Variants in ZNRF1 observed in about 807,000 individuals in gnomAD.
ZNRF1 encodes zinc and ring finger 1, also known as E3 ubiquitin-protein ligase ZNRF1.
ZNRF1 carries 3 observed loss-of-function variants against 18.4 expected under a neutral mutation model. That is an observed-to-expected ratio of 0.16 (90% CI 0.07 to 0.42). ZNRF1 has a LOEUF of 0.42. Among genes scored for constraint, ZNRF1 ranks in the 10% least tolerant of loss-of-function variants. The pLI is 0.99. For synonymous variants in ZNRF1, 157 were observed against 144.2 expected, an observed-to-expected ratio of 1.09 and a Z score of -0.64; for missense variants, 310 against 329.8, an observed-to-expected ratio of 0.94 and a Z score of 0.47.
chr16:75,073,874 G>A (rs1340942582), intron 1 of ZNRF1, among the ~76,000 whole-genome samples: 1 of 151,920 alleles, frequency 6.6e-6, no homozygotes, highest in East Asian at 1.9e-4. Flanking sequence ...CATAGACTAG[G>A]GAACTTTCCG....
At chr16:75,022,391 G>A (rs377573314) in intron 1 of ZNRF1, among the ~76,000 whole-genome samples, 16 of 151,470 alleles carry the variant, frequency 1.1e-4, no homozygotes, top group Non-Finnish European at 1.6e-4. Flanking sequence ...GTGAAACCCC[G>A]TCTCTACTAA....
At chr16:75,102,687 C>G (rs1183577799) in intron 2 of ZNRF1, among the ~76,000 whole-genome samples, 2 of 152,206 alleles carry the variant, frequency 1.3e-5, no homozygotes, top group Non-Finnish European at 2.9e-5. Flanking sequence ...ATCCCACATC[C>G]ATGCCTGGCA....
Position 74,999,965 on chromosome 16 carries a change from C to T in ZNRF1, c.294C>T (p.Ala98=). Residue 98 remains alanine (A), a synonymous_variant, in exon 1 of 5, where the codon GCC becomes GCT. Coordinates refer to ENST00000335325, the MANE Select transcript of ZNRF1 (RefSeq NM_032268.5). Reference sequence around the variant, plus strand: ...GGTCTGCGTCCGACTCCACCTATGCCCATGGCAATGGTTACCAGGAGACGG... The same window carrying T: ...GGTCTGCGTCCGACTCCACCTATGCTCATGGCAATGGTTACCAGGAGACGG... ...GGGSASDSTY[A]HGNGYQETGG... 6.3e-7 allele frequency: 1 copy of T among 1,581,812 alleles called. No homozygotes were observed. Among genetic ancestry groups the T allele is most frequent in the Non-Finnish European group, 8.6e-7 (1 of 1,164,872 alleles).
At chr16:75,037,238 A>G (rs1403591381) in intron 1 of ZNRF1, among the ~76,000 whole-genome samples, 3 of 152,212 alleles carry the variant, frequency 2.0e-5, no homozygotes, top group African/African-American at 7.2e-5. Context: ...TTGGAACTAC[A>G]TCAGTAGATA....
chr16:75,084,104 A>G (rs1386207150), intron 1 of ZNRF1, among the ~76,000 whole-genome samples: 1 of 152,262 alleles, frequency 6.6e-6, no homozygotes, highest in East Asian at 1.9e-4. Context: ...TGCAGCAGTC[A>G]GGTAGAATGG....
At chr16:75,068,703 T>C (rs1376577192) in intron 1 of ZNRF1, among the ~76,000 whole-genome samples, 2 of 151,990 alleles carry the variant, frequency 1.3e-5, no homozygotes, top group African/African-American at 4.8e-5. Context: ...CCCTGGGGTC[T>C]AGCATCTGTG....
chr16:75,096,059 CACGTGTGTGTGTGT>C lies in ZNRF1; in HGVS notation c.520+2393_520+2406del, dbSNP rs1406770890. ...GGGTGCATGTGTTTCTGTATGTGTG[CACGTGTGTGTGTGT>C]GTGTGTGTGTGTGTGTGTGTGTGTG... On this transcript the variant is annotated intron_variant, in intron 2 of 4. Transcript: ENST00000335325. Among the ~76,000 whole-genome samples the C allele has an allele frequency of 2.7e-4, 17 of 61,832 alleles. No individual in the cohort carries two copies. In the East Asian group the frequency reaches 5.5e-3, roughly 20 times the overall value. 40.6% of individuals were successfully genotyped at this position (61,832 alleles called of 152,430 possible).
chr16:75,071,017 A>G (rs915669379), intron 1 of ZNRF1, among the ~76,000 whole-genome samples: 1 of 151,820 alleles, frequency 6.6e-6, no homozygotes. Flanking sequence ...CAGGTATTGT[A>G]TTTGCATAGG....
At chr16:75,053,200 T>C (rs1280380894) in intron 1 of ZNRF1, among the ~76,000 whole-genome samples, 1 of 152,180 alleles carries the variant, frequency 6.6e-6, no homozygotes, top group Non-Finnish European at 1.5e-5. Context: ...ACCTTAAAGT[T>C]AAACATCAAT....
chr16:75,001,653 G>A (rs2034851052), intron 1 of ZNRF1, among the ~76,000 whole-genome samples: 1 of 152,142 alleles, frequency 6.6e-6, no homozygotes, highest in Admixed American at 6.5e-5. Flanking sequence ...ATGAGCATCT[G>A]GTTTTGAACT....
intron 1 of ZNRF1, among the ~76,000 whole-genome samples, chr16:75,029,721 A>G (rs920735205): frequency 6.6e-6 from 1 of 152,004 alleles, no homozygotes; most frequent in Non-Finnish European, 1.5e-5. Context: ...GTGAGCCAAG[A>G]TCATGCCACT....
chr16:75,037,689 T>A (rs551984827), intron 1 of ZNRF1, among the ~76,000 whole-genome samples: 2 of 152,230 alleles, frequency 1.3e-5, no homozygotes, highest in African/African-American at 4.8e-5. Context: ...TTCTCTCCAA[T>A]TCACCTTTTC....
chr16:75,063,441 G>T (rs1452343542), intron 1 of ZNRF1, among the ~76,000 whole-genome samples: 3 of 152,152 alleles, frequency 2.0e-5, no homozygotes, highest in African/African-American at 4.8e-5. Context: ...CATCTCTGAT[G>T]TCTCCCACCT....
intron 1 of ZNRF1, among the ~76,000 whole-genome samples, chr16:75,052,226 C>G (rs2035615573): frequency 2.0e-5 from 3 of 151,948 alleles, no homozygotes; most frequent in African/African-American, 7.3e-5. Context: ...TGGTGAAACC[C>G]CATCTCTACC....
At chr16:75,050,762 T>G (rs1388227279) in intron 1 of ZNRF1, among the ~76,000 whole-genome samples, 3 of 148,570 alleles carry the variant, frequency 2.0e-5, no homozygotes, top group Admixed American at 6.8e-5. Flanking sequence ...TCCCAGCTAC[T>G]CAGGAGGCTG....
At position 75,107,754 on chromosome 16, in the gene ZNRF1, G is replaced by C; in HGVS notation, c.*54G>C. 2.2e-6 allele frequency: 1 copy of C among 456,500 alleles called. No homozygotes were observed. Among genetic ancestry groups the C allele is most frequent in the Non-Finnish European group, 4.4e-6 (1 of 226,786 alleles). The allele number at this position is 456,500 out of a possible 1,614,324, so 28.3% of individuals were successfully genotyped here. A position where few individuals can be genotyped will look rare whatever the true frequency, so the allele number is the denominator to read the frequency against. On this transcript the variant is annotated 3_prime_UTR_variant, in exon 5 of 5. Coordinates refer to ENST00000335325, the MANE Select transcript of ZNRF1 (RefSeq NM_032268.5). ...ACAGGGACAGAGCGCCCCTGCTCCAGGGAGGAGGCTCACCGGACCCTGGGG... is the reference window on the plus strand; with the variant it reads ...ACAGGGACAGAGCGCCCCTGCTCCACGGAGGAGGCTCACCGGACCCTGGGG...
intron 1 of ZNRF1, among the ~76,000 whole-genome samples, chr16:75,089,453 GA>G (rs1218489101): frequency 7.2e-5 from 11 of 152,154 alleles, no homozygotes; most frequent in Admixed American, 7.2e-4. Context: ...AGAAACACCA[GA>G]GGTAGTAGAT....
chr16:75,070,793 CAT>C (rs1248430097), intron 1 of ZNRF1, among the ~76,000 whole-genome samples: 1 of 152,206 alleles, frequency 6.6e-6, no homozygotes, highest in Non-Finnish European at 1.5e-5. Flanking sequence ...CTCGTGCACT[CAT>C]GTGTCTGCTT....
At chr16:75,038,456 C>T (rs2145358446) in intron 1 of ZNRF1, among the ~76,000 whole-genome samples, 1 of 152,276 alleles carries the variant, frequency 6.6e-6, no homozygotes, top group East Asian at 1.9e-4. Context: ...TCTCCTAGGG[C>T]CTACTAGCCT....
Sources: allele counts gnomAD v4.1 joint callset (sites outside exome capture counted in the v4.1 genomes callset), GRCh38; gene constraint gnomAD v4.1.1; transcripts MANE v1.5; gene names NCBI Gene and HGNC (gene_info 2026-07-23, HGNC 2026-07-21).